ZNF385D: variants seen among roughly 807,000 people sequenced by gnomAD.
ZNF385D encodes the protein zinc finger protein 385D.
Under a neutral mutation model 35.8 loss-of-function variants are expected in ZNF385D, and 15 were observed. That is an observed-to-expected ratio of 0.42 (90% CI 0.28 to 0.64). The LOEUF (loss-of-function observed/expected upper bound fraction) is 0.64. Among genes scored for constraint, ZNF385D ranks in the 30% least tolerant of loss-of-function variants. The pLI is 0.23. For synonymous variants in ZNF385D, 212 were observed against 186.8 expected (o/e 1.13, Z -1.10); for missense variants, 474 against 494.6 (o/e 0.96, Z 0.39).
chr3:22,091,811 T>G (rs1701345323), intron 3 of ZNF385D, among the ~76,000 whole-genome samples: 1 of 152,204 alleles, frequency 6.6e-6, no homozygotes, highest in South Asian at 2.1e-4. Flanking sequence ...ACCTAAACAT[T>G]TGTATGTCTC....
At chr3:21,745,903 G>T (rs2069745691) in intron 1 of ZNF385D, among the ~76,000 whole-genome samples, 1 of 152,138 alleles carries the variant, frequency 6.6e-6, no homozygotes, top group Non-Finnish European at 1.5e-5. Flanking sequence ...AAAGCCAGCT[G>T]TGCTTAAAAA....
intron 2 of ZNF385D, among the ~76,000 whole-genome samples, chr3:22,295,251 CCAATA>C (rs755648615): frequency 2.1e-4 from 32 of 152,084 alleles, no homozygotes; most frequent in Non-Finnish European, 3.4e-4. Flanking sequence ...TAAAACATTC[CCAATA>C]CATTAGGACA....
rs878994792 is a variant in ZNF385D, at chr3:22,239,629, A to G, written c.107-70594T>C. Among the ~76,000 whole-genome samples the G allele has an allele frequency of 2.6e-5, 4 of 151,162 alleles. No individual in the cohort carries two copies. In the East Asian group the frequency reaches 7.8e-4, roughly 30 times the overall value. On this transcript the variant is annotated intron_variant, in intron 2 of 5. Coordinates refer to the ZNF385D transcript ENST00000494108. ...ACCCTTTGATTTCATCTTCAGGAAA[A>G]TATCTAATCTTATGTTATATTTATT... is the stretch of plus-strand genomic sequence containing the variant.
chr3:22,169,876 C>A (rs1027749659), intron 2 of ZNF385D, among the ~76,000 whole-genome samples: 8 of 152,148 alleles, frequency 5.3e-5, no homozygotes, highest in Non-Finnish European at 1.0e-4. Context: ...CTCAGCACAG[C>A]CTTGACCTCC....
intron 7 of ZNF385D, among the ~76,000 whole-genome samples, chr3:21,422,698 T>C (rs4858319): frequency 0.31 from 46,391 of 152,068 alleles, 7,188 homozygotes; most frequent in East Asian, 0.39. Context: ...TGCAAATCAA[T>C]AATTGTGATT....
At chr3:22,110,986 T>C (rs1301074627) in intron 3 of ZNF385D, among the ~76,000 whole-genome samples, 1 of 151,808 alleles carries the variant, frequency 6.6e-6, no homozygotes, top group Non-Finnish European at 1.5e-5. Context: ...TTTTGTGCTG[T>C]GGTATTTAGT....
At chr3:21,673,952 G>A (rs1281667623) in intron 1 of ZNF385D, among the ~76,000 whole-genome samples, 1 of 151,996 alleles carries the variant, frequency 6.6e-6, no homozygotes, top group Non-Finnish European at 1.5e-5. Context: ...CTGTCTCTCA[G>A]GGAAATTTTA....
chr3:21,773,450 G>A (rs1008529683), intron 3 of ZNF385D, among the ~76,000 whole-genome samples: 25 of 151,650 alleles, frequency 1.6e-4, no homozygotes, highest in African/African-American at 2.9e-4. Context: ...GCTTCTGCAC[G>A]GCAAAGGAAA....
intron 3 of ZNF385D, among the ~76,000 whole-genome samples, chr3:21,919,013 T>A (rs187640573): frequency 2.5e-3 from 381 of 152,336 alleles, no homozygotes; most frequent in Non-Finnish European, 3.9e-3. Flanking sequence ...TCTCTTTACT[T>A]GCTATCAGAT....
chr3:21,952,637 AC>A (rs1209598892), intron 3 of ZNF385D, among the ~76,000 whole-genome samples: 2 of 152,018 alleles, frequency 1.3e-5, no homozygotes, highest in Non-Finnish European at 2.9e-5. Context: ...ATAATTAAAT[AC>A]TTCAAATTTA....
chr3:22,213,812 A>G (rs1385429501), intron 2 of ZNF385D, among the ~76,000 whole-genome samples: 4 of 152,106 alleles, frequency 2.6e-5, no homozygotes, highest in African/African-American at 4.8e-5. Context: ...AACTAAAATC[A>G]TAAGAGACTA....
intron 3 of ZNF385D, among the ~76,000 whole-genome samples, chr3:21,948,985 G>C (rs926906615): frequency 1.3e-4 from 19 of 151,914 alleles, no homozygotes; most frequent in African/African-American, 3.6e-4. Flanking sequence ...CAATACATTG[G>C]GTTTTGCAGT....
intron 3 of ZNF385D, among the ~76,000 whole-genome samples, chr3:21,794,196 G>A (rs1227202913): frequency 1.3e-5 from 2 of 152,048 alleles, no homozygotes; most frequent in Non-Finnish European, 2.9e-5. Context: ...GCCACCATAT[G>A]CAACTTGCTG....
chr3:21,493,428 T>C (rs1485196913), intron 4 of ZNF385D, among the ~76,000 whole-genome samples: 21 of 152,104 alleles, frequency 1.4e-4, no homozygotes, highest in Admixed American at 1.4e-3. Flanking sequence ...TATTGAAATG[T>C]TTAAAAAGCT....
intron 3 of ZNF385D, among the ~76,000 whole-genome samples, chr3:22,006,585 A>G (rs908894498): frequency 6.6e-6 from 1 of 152,110 alleles, no homozygotes; most frequent in Non-Finnish European, 1.5e-5. Flanking sequence ...AATGGACAAT[A>G]AAGTATCAAA....
chr3:21,711,628 A>C (rs372781970), intron 1 of ZNF385D, among the ~76,000 whole-genome samples: 20 of 152,160 alleles, frequency 1.3e-4, no homozygotes, highest in Admixed American at 1.2e-3. Flanking sequence ...TCCCATCCCC[A>C]AAAACACTCA....
chr3:21,896,090 G>A (rs1699120045), intron 3 of ZNF385D, among the ~76,000 whole-genome samples: 1 of 152,090 alleles, frequency 6.6e-6, no homozygotes, highest in Admixed American at 6.5e-5. Flanking sequence ...GAATTAATGA[G>A]GCTCCTGATA....
intron 2 of ZNF385D, among the ~76,000 whole-genome samples, chr3:22,170,538 T>G (rs1694339991): frequency 6.6e-6 from 1 of 152,172 alleles, no homozygotes; most frequent in Non-Finnish European, 1.5e-5. Flanking sequence ...ACTAATTCAT[T>G]TAAAATATAT....
chr3:21,914,375 GTTTGACTT>G (rs1355351696), intron 3 of ZNF385D, among the ~76,000 whole-genome samples: 1 of 85,500 alleles, frequency 1.2e-5, no homozygotes, highest in African/African-American at 4.8e-5. Flanking sequence ...CAGTGCTTTT[GTTTGACTT>G]TTTTTTTTTT....
Sources: gnomAD v4.1 joint callset for allele counts (sites outside exome capture counted in the v4.1 genomes callset) on GRCh38, gnomAD v4.1.1 for gene constraint, MANE v1.5 for transcripts, NCBI Gene and HGNC (gene_info 2026-07-23, HGNC 2026-07-21) for gene names.